Variants in SEMA3E observed in about 807,000 individuals in gnomAD.
The protein encoded by SEMA3E is semaphorin 3E.
Under a neutral mutation model 93.6 loss-of-function variants are expected in SEMA3E, and 49 were observed. The observed-to-expected ratio is 0.52, with a 90% CI of 0.42 to 0.66. The LOEUF is 0.66. SEMA3E is among the 30% of genes least tolerant of loss of function. SEMA3E has a pLI of 0.00. For synonymous variants in SEMA3E, 363 were observed against 330.7 expected, an observed-to-expected ratio of 1.10 and a Z score of -1.06; for missense variants, 906 against 964.8, an observed-to-expected ratio of 0.94 and a Z score of 0.81.
At chr7:83,583,129 G>A (rs985771912) in intron 1 of SEMA3E, among the ~76,000 whole-genome samples, 1 of 152,078 alleles carries the variant, frequency 6.6e-6, no homozygotes, top group African/African-American at 2.4e-5. Flanking sequence ...AAGTGATATA[G>A]ACCTTTTGTG....
chr7:83,636,114 T>G (rs1001281016), intron 1 of SEMA3E, among the ~76,000 whole-genome samples: 1 of 152,174 alleles, frequency 6.6e-6, no homozygotes, highest in Non-Finnish European at 1.5e-5. Context: ...GAGTCAAATG[T>G]GACAATAATC....
intron 1 of SEMA3E, among the ~76,000 whole-genome samples, chr7:83,500,829 G>A (rs981629919): frequency 4.6e-5 from 7 of 151,952 alleles, no homozygotes; most frequent in African/African-American, 1.7e-4. Context: ...AACCTCAAGT[G>A]ATCCACCTGC....
chr7:83,602,693 G>T (rs1793022881), intron 1 of SEMA3E, among the ~76,000 whole-genome samples: 1 of 152,036 alleles, frequency 6.6e-6, no homozygotes, highest in Admixed American at 6.6e-5. Context: ...GGCCAGGATG[G>T]TCTCCATCTC....
At position 83,556,245 on chromosome 7, in the gene SEMA3E, T is replaced by C. The variant is rs369875541; in HGVS notation, c.116-65971A>G. On this transcript the variant is annotated intron_variant, in intron 1 of 16. Coordinates refer to ENST00000643230, the MANE Select transcript of SEMA3E (RefSeq NM_012431.3). ...TTTTTGAGATAACTATTGATAATAC[T>C]TTAGCATATATCTTTGGAAAATATG... is the stretch of plus-strand genomic sequence containing the variant. Among the ~76,000 whole-genome samples, 290 of 152,314 alleles carry C rather than the reference T, an allele frequency of 1.9e-3. 1 individual carries two copies. The highest frequency in any genetic ancestry group is 6.8e-3 in the African/African-American group (283 of 41,576).
intron 4 of SEMA3E, among the ~76,000 whole-genome samples, chr7:83,438,388 T>C (rs1789045698): frequency 6.6e-6 from 1 of 152,106 alleles, no homozygotes; most frequent in African/African-American, 2.4e-5. Flanking sequence ...GGCCCATACT[T>C]AAAAAGCAGA....
At chr7:83,578,251 T>C (rs1792449317) in intron 1 of SEMA3E, among the ~76,000 whole-genome samples, 2 of 152,160 alleles carry the variant, frequency 1.3e-5, no homozygotes, top group South Asian at 4.1e-4. Context: ...TGTGTTAACA[T>C]TGCTATGCCA....
intron 4 of SEMA3E, among the ~76,000 whole-genome samples, chr7:83,450,428 A>T (rs1316754317): frequency 2.0e-5 from 3 of 152,222 alleles, no homozygotes; most frequent in Non-Finnish European, 4.4e-5. Context: ...ACAGTAATGA[A>T]AACACATGAA....
intron 1 of SEMA3E, among the ~76,000 whole-genome samples, chr7:83,620,001 G>A (rs1451050799): frequency 6.6e-6 from 1 of 151,776 alleles, no homozygotes; most frequent in African/African-American, 2.4e-5. Context: ...CTGACATTTA[G>A]TAGGTAATCA....
intron 1 of SEMA3E, among the ~76,000 whole-genome samples, chr7:83,498,546 C>G (rs189105880): frequency 6.6e-6 from 1 of 151,724 alleles, no homozygotes; most frequent in Admixed American, 6.6e-5. Context: ...GGTGCGATCT[C>G]GGCTCACTGC....
At chr7:83,639,103 T>C (rs1162466312) in intron 1 of SEMA3E, among the ~76,000 whole-genome samples, 1 of 40,518 alleles carries the variant, frequency 2.5e-5, no homozygotes, top group Non-Finnish European at 4.9e-5. Context: ...AGAGCGAGAC[T>C]CCGTCTCAAA....
intron 1 of SEMA3E, among the ~76,000 whole-genome samples, chr7:83,600,481 A>T (rs10250554): frequency 7.5e-6 from 1 of 133,928 alleles, no homozygotes; most frequent in Non-Finnish European, 1.6e-5. Flanking sequence ...CACCACGCCC[A>T]GCTAATTTTT....
At chr7:83,616,527 C>A in intron 1 of SEMA3E, 1 of 236,544 alleles carries the variant, frequency 4.2e-6, no homozygotes, top group South Asian at 4.2e-5. Flanking sequence ...TGGCTCCAGT[C>A]TACTTATTCA....
intron 4 of SEMA3E, among the ~76,000 whole-genome samples, chr7:83,458,235 A>G (rs930837455): frequency 3.3e-5 from 5 of 151,878 alleles, no homozygotes; most frequent in African/African-American, 9.6e-5. Context: ...GTTATTCAAT[A>G]TCATGTGTAT....
Position 83,606,669 on chromosome 7 carries a change from A to G in SEMA3E, c.115+41759T>C, listed in dbSNP as rs544751977. Among the ~76,000 whole-genome samples the G allele has an allele frequency of 7.1e-4, 104 of 146,298 alleles. 2 individuals carry two copies. In the East Asian group the frequency reaches 0.012, roughly 16 times the overall value. On this transcript the variant is annotated intron_variant, in intron 1 of 16. Coordinates refer to ENST00000643230, the MANE Select transcript of SEMA3E (RefSeq NM_012431.3). ...GGAGATATACCTAATGCTAGATGAC[A>G]CGTTAGTGGGTGCAGCACACCAGCA...
chr7:83,615,504 T>A (rs375469558), intron 1 of SEMA3E, among the ~76,000 whole-genome samples: 2 of 151,828 alleles, frequency 1.3e-5, no homozygotes, highest in Non-Finnish European at 2.9e-5. Context: ...CATAGGTGAG[T>A]ATGGGTCCCC....
At chr7:83,483,229 T>A (rs1276624364) in intron 2 of SEMA3E, among the ~76,000 whole-genome samples, 2 of 152,166 alleles carry the variant, frequency 1.3e-5, no homozygotes, top group African/African-American at 4.8e-5. Context: ...AGTAGTAGTA[T>A]CTGCGGTTTC....
At chr7:83,453,804 T>C (rs1789415000) in intron 4 of SEMA3E, among the ~76,000 whole-genome samples, 1 of 152,164 alleles carries the variant, frequency 6.6e-6, no homozygotes, top group African/African-American at 2.4e-5. Flanking sequence ...TTTTGTTAAC[T>C]AAAGTCTAGT....
At chr7:83,408,078 T>C (rs1201439843) in intron 6 of SEMA3E, among the ~76,000 whole-genome samples, 1 of 152,162 alleles carries the variant, frequency 6.6e-6, no homozygotes, top group Non-Finnish European at 1.5e-5. Flanking sequence ...TATTGGATGA[T>C]GGACTTTTCA....
At chr7:83,479,264 C>G (rs1289192535) in intron 2 of SEMA3E, among the ~76,000 whole-genome samples, 3 of 152,168 alleles carry the variant, frequency 2.0e-5, no homozygotes, top group African/African-American at 7.2e-5. Flanking sequence ...TTATTCAAAG[C>G]CCAATTTAAA....
Sources: gnomAD v4.1 joint callset for allele counts (sites outside exome capture counted in the v4.1 genomes callset) on GRCh38, gnomAD v4.1.1 for gene constraint, MANE v1.5 for transcripts, NCBI Gene and HGNC (gene_info 2026-07-23, HGNC 2026-07-21) for gene names.